The following GKAP1 variants were observed in gnomAD, a reference collection of about 807,000 sequenced individuals.
GKAP1 encodes the protein G kinase anchoring protein 1, also known as G kinase-anchoring protein 1.
A neutral mutation model predicts 56.7 loss-of-function variants in GKAP1; 31 were observed. That is an observed-to-expected ratio of 0.55 (90% confidence interval 0.41 to 0.74). The LOEUF is 0.74. Ranked by LOEUF, GKAP1 falls within the 30% of genes least tolerant of loss-of-function variation. The pLI, the probability that GKAP1 is intolerant of heterozygous loss-of-function variation, is 0.00. For missense variants in GKAP1, 364 were observed against 402.3 expected (o/e 0.90, Z 0.82); for synonymous variants, 151 against 138.6 (o/e 1.09, Z -0.63).
Position 83,817,000 on chromosome 9 carries a change from T to A in GKAP1, c.-48A>T, listed in dbSNP as rs1289869994. The stretch of plus-strand genomic sequence containing the variant: ...TCAAAAAGTAATTCACTATACCTCA[T>A]TCATGAATGAAAGCCAAATTTCACC... On this transcript the variant is annotated 5_prime_UTR_variant, in exon 2 of 13. The change abolishes an upstream ATG in the 5' untranslated region. Coordinates refer to ENST00000376371, the MANE Select transcript of GKAP1 (RefSeq NM_025211.4). 3 of 152,186 alleles carry A rather than the reference T, an allele frequency of 2.0e-5. No homozygotes were observed. Among genetic ancestry groups the A allele is most frequent in the African/African-American group, 7.2e-5 (3 of 41,454 alleles). The allele number at this position is 152,186 out of a possible 1,614,324, so 9.4% of individuals were successfully genotyped here.
chr9:83,799,080 C>T (rs1944291531), intron 4 of GKAP1, 105 bp downstream of exon 4: 3 of 920,396 alleles, frequency 3.3e-6, no homozygotes, highest in African/African-American at 3.4e-5. Context: ...TAATCCAATA[C>T]AAATTGCTTC....
rs138590106 is a variant in GKAP1, at chr9:83,774,772, C to T, written c.585+5610G>A. The stretch of plus-strand genomic sequence containing the variant: ...GTTGCCAGGTTGGAGTGCAGCAGTG[C>T]GATCTCGACTCACTGCAACCTCCAC... On this transcript the variant is annotated intron_variant, in intron 7 of 12. Transcript: ENST00000376371. Among the ~76,000 whole-genome samples the T allele has an allele frequency of 7.4e-3, 916 of 123,870 alleles. 21 individuals carry two copies. Among genetic ancestry groups the T allele is most frequent in the East Asian group, 0.046 (167 of 3,670 alleles). 81.3% of individuals were successfully genotyped at this position (123,870 alleles called of 152,430 possible). A position where few individuals can be genotyped will look rare whatever the true frequency, so the allele number is the denominator to read the frequency against.
At chr9:83,797,242 T>G (rs1944263160) in intron 4 of GKAP1, among the ~76,000 whole-genome samples, 1 of 152,200 alleles carries the variant, frequency 6.6e-6, no homozygotes, top group South Asian at 2.1e-4. Context: ...GTGTTTGACA[T>G]AAGCAGCCAA....
At position 83,739,451 on chromosome 9, in the gene GKAP1, T is replaced by C. The variant is rs1943170255; in HGVS notation, c.*246A>G. On this transcript the variant is annotated 3_prime_UTR_variant, in exon 13 of 13. Transcript: ENST00000376371. ...GGAAGAGTAAATTAATTTTATTGAC[T>C]GATGAAAAACTAAAGTGATAAGAAG... The C allele has an allele frequency of 5.7e-6, 2 of 351,172 alleles. No individual in the cohort carries two copies. Among genetic ancestry groups the C allele is most frequent in the Non-Finnish European group, 1.0e-5 (2 of 196,904 alleles). The allele number at this position is 351,172 out of a possible 1,614,324, so 21.8% of individuals were successfully genotyped here.
chr9:83,782,660 C>CT (rs772629569), intron 6 of GKAP1, among the ~76,000 whole-genome samples: 4,533 of 117,428 alleles, frequency 0.039, 161 homozygotes, highest in East Asian at 0.052. Flanking sequence ...CGCGCCCAGC[C>CT]TTTTTTTTTT....
At chr9:83,805,312 C>A (rs1334648559) in intron 3 of GKAP1, among the ~76,000 whole-genome samples, 2 of 152,022 alleles carry the variant, frequency 1.3e-5, no homozygotes, top group Non-Finnish European at 2.9e-5. Flanking sequence ...CTCAAGTACC[C>A]AGGGACACAA....
chr9:83,780,402 G>C lies in GKAP1; in HGVS notation c.565C>G (p.His189Asp), dbSNP rs1390065081. Residue 189 changes from histidine to aspartate, a missense_variant and splice_region_variant, in exon 7 of 13, where the codon CAC (histidine) becomes GAC (aspartate). Transcript: ENST00000376371. ...CTTACCTCAGTCTTTTTACTAATGT[G>C]ATCTGTAAATGAAAAAGAAACAAAG... ...VSLKDFHSED[H>D]ISKKTEELSS... The C allele has an allele frequency of 3.5e-6, 4 of 1,157,634 alleles. No homozygotes were observed. Among genetic ancestry groups the C allele is most frequent in the Non-Finnish European group, 4.6e-6 (4 of 863,682 alleles). The allele number at this position is 1,157,634 out of a possible 1,614,324, so 71.7% of individuals were successfully genotyped here.
intron 3 of GKAP1, among the ~76,000 whole-genome samples, chr9:83,804,374 C>A (rs1470054537): frequency 2.2e-5 from 3 of 135,852 alleles, no homozygotes; most frequent in Non-Finnish European, 3.2e-5. Flanking sequence ...GCCCGGCCAG[C>A]CGCCCCGTCC....
chr9:83,751,436 A>G (rs1271722246), intron 9 of GKAP1, among the ~76,000 whole-genome samples: 1 of 152,174 alleles, frequency 6.6e-6, no homozygotes, highest in Non-Finnish European at 1.5e-5. Context: ...TTAATCTACA[A>G]GCTTCTTGCT....
intron 4 of GKAP1, among the ~76,000 whole-genome samples, chr9:83,797,376 T>C (rs757382683): frequency 1.3e-4 from 20 of 152,246 alleles, no homozygotes; most frequent in Non-Finnish European, 2.9e-4. Flanking sequence ...TATATAGTCA[T>C]TGCCTGATCC....
chr9:83,801,051 T>C (rs942912995), intron 3 of GKAP1, among the ~76,000 whole-genome samples: 1 of 152,230 alleles, frequency 6.6e-6, no homozygotes, highest in African/African-American at 2.4e-5. Context: ...TGTGACCTTA[T>C]TTGGAAATTG....
chr9:83,803,057 C>T (rs374613822), intron 3 of GKAP1, among the ~76,000 whole-genome samples: 3 of 151,670 alleles, frequency 2.0e-5, no homozygotes, highest in African/African-American at 7.3e-5. Flanking sequence ...TGTAGTGAGC[C>T]GAGATCATAC....
intron 5 of GKAP1, 45 bp downstream of exon 5, chr9:83,788,556 C>T: frequency 9.0e-7 from 1 of 1,115,054 alleles, no homozygotes; most frequent in East Asian, 2.5e-5. Context: ...TAACCTCTCA[C>T]CACTTAAACT....
intron 9 of GKAP1, among the ~76,000 whole-genome samples, chr9:83,750,010 A>T (rs1339136766): frequency 1.3e-5 from 2 of 152,174 alleles, no homozygotes; most frequent in African/African-American, 4.8e-5. Context: ...TCGCTATGAA[A>T]TTCCCACCCT....
rs1943277700 is a variant in GKAP1, at chr9:83,745,486, A to G, written c.904+2823T>C. ...TACTTGGATTACTTATGCTATGGAC[A>G]CTGTTGTTACTGATAGCGATTTTTA... On this transcript the variant is annotated intron_variant, in intron 10 of 12. Transcript: ENST00000376371. Among the ~76,000 whole-genome samples, 3 of 152,192 alleles carry G rather than the reference A, an allele frequency of 2.0e-5. No individual in the cohort carries two copies. In the South Asian group the frequency reaches 6.2e-4, roughly 32 times the overall value.
rs111284513 is a variant in GKAP1 at position 83,815,208 on chromosome 9, T to C, written c.-44+1788A>G. 6.6e-5 allele frequency among the ~76,000 whole-genome samples: 10 copies of C among 152,042 alleles called. 1 individual carries two copies. Among genetic ancestry groups the C allele is most frequent in the African/African-American group, 2.4e-4 (10 of 41,474 alleles). ...AACTAAAGTGTTAATTTAAGAGAAC[T>C]AGGATGCATTGGCTGCTTAAGTAAA... On this transcript the variant is annotated intron_variant, in intron 2 of 12. Transcript: ENST00000376371.
chr9:83,792,126 T>A lies in GKAP1; in HGVS notation c.361-3448A>T, dbSNP rs11140253. Among the ~76,000 whole-genome samples, 3,307 of 152,278 alleles carry A rather than the reference T, an allele frequency of 0.022. 211 individuals carry two copies. In the East Asian group the frequency reaches 0.23, roughly 11 times the overall value. ...AACAAGTTATATTAACTCCTGTGAATCTCAGAACATTTAAAAAGGACATTG... is the reference window on the plus strand; with the variant it reads ...AACAAGTTATATTAACTCCTGTGAAACTCAGAACATTTAAAAAGGACATTG... On this transcript the variant is annotated intron_variant, in intron 4 of 12. Transcript: ENST00000376371.
intron 2 of GKAP1, among the ~76,000 whole-genome samples, chr9:83,811,485 C>G (rs1944505205): frequency 6.6e-6 from 1 of 152,140 alleles, no homozygotes; most frequent in African/African-American, 2.4e-5. Context: ...AGTAACAAAA[C>G]AAACACAAAG....
chr9:83,753,079 A>ATAAATT (rs141957346), intron 9 of GKAP1, among the ~76,000 whole-genome samples, 179 bp downstream of exon 9: 5 of 144,060 alleles, frequency 3.5e-5, no homozygotes, highest in Non-Finnish European at 7.6e-5. Context: ...CAACAACAAC[A>ATAAATT]ACATAAATAA....
Sources: gnomAD v4.1 joint callset for allele counts (sites outside exome capture counted in the v4.1 genomes callset) on GRCh38, gnomAD v4.1.1 for gene constraint, MANE v1.5 for transcripts, NCBI Gene and HGNC (gene_info 2026-07-23, HGNC 2026-07-21) for gene names.